VWC2L: variants seen among roughly 807,000 people sequenced by gnomAD.
VWC2L encodes the protein von Willebrand factor C domain containing 2 like.
In VWC2L, 10 loss-of-function variants were observed where a neutral mutation model predicts 21.6. The ratio of observed to expected loss-of-function variants is 0.46; its 90% CI spans 0.29 to 0.78. The LOEUF (loss-of-function observed/expected upper bound fraction) is 0.78. Ranked by LOEUF, VWC2L falls within the 30% of genes least tolerant of loss-of-function variation. VWC2L has a pLI of 0.10. For synonymous variants in VWC2L, 96 were observed against 94.3 expected (o/e 1.02, Z -0.10); for missense variants, 209 against 277.1 (o/e 0.75, Z 1.74).
chr2:214,522,367 C>T (rs1248489872), intron 3 of VWC2L, among the ~76,000 whole-genome samples: 1 of 123,716 alleles, frequency 8.1e-6, no homozygotes, highest in Non-Finnish European at 1.7e-5. Context: ...AGAGCGAGAC[C>T]CCGTCTCAAA....
chr2:214,569,619 T>C (rs1281889578), intron 3 of VWC2L, among the ~76,000 whole-genome samples: 1 of 152,126 alleles, frequency 6.6e-6, no homozygotes, highest in Non-Finnish European at 1.5e-5. Flanking sequence ...TACATAACTG[T>C]CCCAACTTGT....
At chr2:214,495,362 G>A (rs1688797588) in intron 3 of VWC2L, among the ~76,000 whole-genome samples, 1 of 152,126 alleles carries the variant, frequency 6.6e-6, no homozygotes, top group Admixed American at 6.6e-5. Flanking sequence ...CAACCTTGTT[G>A]GTGTCAGGGA....
rs1368178045 is a variant in VWC2L, at chr2:214,488,951, C to G, written c.520+52193C>G. ...TTCATGAAGGATCCACCCCCATCAC[C>G]CAACACCTCCCATTAGGTTCTACCT... On this transcript the variant is annotated intron_variant, in intron 3 of 3. Transcript: ENST00000312504. Among the ~76,000 whole-genome samples the G allele has an allele frequency of 2.6e-5, 4 of 152,184 alleles. No homozygotes were observed. In the South Asian group the frequency reaches 8.3e-4, roughly 32 times the overall value.
At chr2:214,481,710 T>C (rs185360051) in intron 3 of VWC2L, among the ~76,000 whole-genome samples, 1 of 152,290 alleles carries the variant, frequency 6.6e-6, no homozygotes, top group East Asian at 1.9e-4. Context: ...ACAAATTCTA[T>C]AGTCCTGATG....
intron 3 of VWC2L, among the ~76,000 whole-genome samples, chr2:214,548,833 A>G (rs1380093331): frequency 6.6e-6 from 1 of 152,164 alleles, no homozygotes; most frequent in Non-Finnish European, 1.5e-5. Context: ...TTACATCTAG[A>G]CTGATCCTTC....
At chr2:214,481,693 A>T (rs1688605620) in intron 3 of VWC2L, among the ~76,000 whole-genome samples, 1 of 152,214 alleles carries the variant, frequency 6.6e-6, no homozygotes, top group Non-Finnish European at 1.5e-5. Context: ...TGGTTTTTAA[A>T]TTTTACACAA....
At chr2:214,552,614 T>C (rs370083879) in intron 3 of VWC2L, among the ~76,000 whole-genome samples, 5 of 152,326 alleles carry the variant, frequency 3.3e-5, no homozygotes, top group Admixed American at 1.3e-4. Flanking sequence ...ATTTCTGTAA[T>C]CATTAATTCA....
chr2:214,452,929 G>T (rs1702998287), intron 3 of VWC2L, among the ~76,000 whole-genome samples: 1 of 151,930 alleles, frequency 6.6e-6, no homozygotes, highest in Non-Finnish European at 1.5e-5. Flanking sequence ...TTTTTTATTA[G>T]CTTGTTCTTC....
intron 2 of VWC2L, among the ~76,000 whole-genome samples, chr2:214,428,997 C>T (rs1702564150): frequency 6.6e-6 from 1 of 152,058 alleles, no homozygotes; most frequent in African/African-American, 2.4e-5. Context: ...TCTGTTATCA[C>T]TTCCTTTCAA....
intron 3 of VWC2L, among the ~76,000 whole-genome samples, chr2:214,503,264 C>T (rs1043327297): frequency 1.3e-5 from 2 of 152,112 alleles, no homozygotes; most frequent in African/African-American, 4.8e-5. Context: ...GTCCTCGATT[C>T]ATTCTGGGCT....
In VWC2L at chr2:214,431,123, G is replaced by A. The variant is rs548311838; in HGVS notation, c.391-5506G>A. On this transcript the variant is annotated intron_variant, in intron 2 of 3. Transcript: ENST00000312504. The stretch of plus-strand genomic sequence containing the variant: ...CTGTTGCATGCAAATTACCGGCTAC[G>A]GGAGTGGCAGTGGATGCTAAATACT... Among the ~76,000 whole-genome samples the A allele has an allele frequency of 5.8e-4, 89 of 152,268 alleles. 1 individual carries two copies. Among genetic ancestry groups the A allele is most frequent in the African/African-American group, 2.1e-3 (86 of 41,560 alleles).
At chr2:214,436,570 A>C in intron 2 of VWC2L, 59 bp from the exon 3 acceptor site, 1 of 1,593,808 alleles carries the variant, frequency 6.3e-7, no homozygotes, top group Non-Finnish European at 8.6e-7. Flanking sequence ...CTGACAGCAT[A>C]TGAATGTGCA....
chr2:214,470,970 T>C (rs1308562987), intron 3 of VWC2L, among the ~76,000 whole-genome samples: 1 of 147,534 alleles, frequency 6.8e-6, no homozygotes, highest in Non-Finnish European at 1.5e-5. Flanking sequence ...ATGGGCATAT[T>C]AAGACTAGGT....
chr2:214,418,400 T>G (rs543704294), intron 2 of VWC2L, among the ~76,000 whole-genome samples: 4 of 152,118 alleles, frequency 2.6e-5, no homozygotes, highest in Non-Finnish European at 5.9e-5. Flanking sequence ...GAGGAAAAAG[T>G]AGGACTCCAA....
At chr2:214,488,727 T>C (rs1688707099) in intron 3 of VWC2L, among the ~76,000 whole-genome samples, 1 of 152,212 alleles carries the variant, frequency 6.6e-6, no homozygotes. Flanking sequence ...TTCTGCTGCC[T>C]GGAGGACTGG....
intron 3 of VWC2L, among the ~76,000 whole-genome samples, chr2:214,567,099 A>C (rs2105932437): frequency 6.6e-6 from 1 of 152,340 alleles, no homozygotes; most frequent in East Asian, 1.9e-4. Context: ...ATTTACAGCC[A>C]ATTTCTAAAA....
chr2:214,498,969 G>T (rs1688851495), intron 3 of VWC2L, among the ~76,000 whole-genome samples: 1 of 147,706 alleles, frequency 6.8e-6, no homozygotes, highest in Non-Finnish European at 1.5e-5. Context: ...GGGATTTATG[G>T]ATACCTTCAT....
At chr2:214,428,162 T>A (rs1217248299) in intron 2 of VWC2L, among the ~76,000 whole-genome samples, 25 of 152,184 alleles carry the variant, frequency 1.6e-4, no homozygotes, top group Admixed American at 1.6e-3. Flanking sequence ...GCAATCATAG[T>A]CATGTAATCA....
chr2:214,437,986 C>T (rs1261427608), intron 3 of VWC2L, among the ~76,000 whole-genome samples: 1 of 152,006 alleles, frequency 6.6e-6, no homozygotes, highest in Admixed American at 6.6e-5. Context: ...TATCTCCTTT[C>T]TCCAATCTAC....
Sources: allele counts gnomAD v4.1 joint callset (sites outside exome capture counted in the v4.1 genomes callset), GRCh38; gene constraint gnomAD v4.1.1; transcripts MANE v1.5; gene names NCBI Gene and HGNC (gene_info 2026-07-23, HGNC 2026-07-21).